EDAR: variants seen among roughly 807,000 people sequenced by gnomAD.
The protein encoded by EDAR is tumor necrosis factor receptor superfamily member EDAR.
EDAR carries 38 observed loss-of-function variants against 51.3 expected under a neutral mutation model. The observed-to-expected ratio is 0.74, with a 90% CI of 0.57 to 0.97. The LOEUF is 0.97. EDAR is among the 50% of genes least tolerant of loss of function. EDAR has a pLI of 0.00. For missense variants in EDAR, 528 were observed against 595.0 expected, an observed-to-expected ratio of 0.89 and a Z score of 1.17; for synonymous variants, 227 against 242.1, an observed-to-expected ratio of 0.94 and a Z score of 0.58.
At position 108,978,416 on chromosome 2, in the gene EDAR, T is replaced by A. The variant is rs1698365188; in HGVS notation, c.-19+10544A>T. Among the ~76,000 whole-genome samples, 2 of 152,178 alleles carry A rather than the reference T, an allele frequency of 1.3e-5. 1 individual carries two copies. The highest frequency in any genetic ancestry group is 4.1e-4 in the South Asian group (2 of 4,838). ...AACAAAAATATCAAACTTGGTCGAC[T>A]CTGCGTGTCTTTGCTAATCTGTGGG... On this transcript the variant is annotated intron_variant, in intron 1 of 11. Coordinates refer to ENST00000258443, the MANE Select transcript of EDAR (RefSeq NM_022336.4).
intron 5 of EDAR, among the ~76,000 whole-genome samples, chr2:108,916,547 C>A (rs1342963792): frequency 6.6e-6 from 1 of 152,166 alleles, no homozygotes; most frequent in East Asian, 1.9e-4. Flanking sequence ...GTGCCTCTAT[C>A]CTGATCACCG....
chr2:108,904,649 T>C (rs1000399170), intron 11 of EDAR, among the ~76,000 whole-genome samples: 1 of 152,230 alleles, frequency 6.6e-6, no homozygotes, highest in Admixed American at 6.5e-5. Context: ...GAATGGACTA[T>C]TGATACATGC....
chr2:108,898,529 C>T (rs11689836), intron 11 of EDAR, among the ~76,000 whole-genome samples: 107,430 of 152,036 alleles, frequency 0.71, 41,394 homozygotes, highest in East Asian at 0.91. Context: ...CATAAAACTA[C>T]ACAGGTCTCA....
chr2:108,898,717 A>T (rs988798284), intron 11 of EDAR, among the ~76,000 whole-genome samples: 1 of 152,236 alleles, frequency 6.6e-6, no homozygotes, highest in Admixed American at 6.5e-5. Flanking sequence ...CAAAAATAGA[A>T]ATCCTCAGGA....
chr2:108,910,728 A>C, intron 8 of EDAR, 48 bp downstream of exon 8: 34 of 1,596,372 alleles, frequency 2.1e-5, no homozygotes, highest in African/African-American at 2.7e-5. Context: ...CCCTCCACCC[A>C]GAGATGGGCA....
At chr2:108,943,618 GCACAA>G (rs1697652298) in intron 1 of EDAR, among the ~76,000 whole-genome samples, 1 of 152,168 alleles carries the variant, frequency 6.6e-6, no homozygotes, top group Non-Finnish European at 1.5e-5. Context: ...TCACTTCCGA[GCACAA>G]CAGAATGTCC....
intron 1 of EDAR, among the ~76,000 whole-genome samples, chr2:108,951,152 A>C (rs1697819795): frequency 1.3e-5 from 2 of 152,246 alleles, no homozygotes; most frequent in African/African-American, 4.8e-5. Context: ...TGTAGCTTGA[A>C]GCCTTTTTTC....
At chr2:108,963,355 C>A (rs1307171284) in intron 1 of EDAR, among the ~76,000 whole-genome samples, 4 of 152,152 alleles carry the variant, frequency 2.6e-5, no homozygotes, top group Admixed American at 2.0e-4. Context: ...AAATCTGTTT[C>A]TAGGATGCCT....
intron 1 of EDAR, among the ~76,000 whole-genome samples, chr2:108,959,634 C>T (rs537479481): frequency 2.0e-5 from 3 of 152,264 alleles, no homozygotes; most frequent in South Asian, 2.1e-4. Flanking sequence ...AGGCCAGTGC[C>T]GGCTGTGGCA....
chr2:108,897,332 T>C, intron 11 of EDAR, 103 bp from the exon 12 acceptor site: 1 of 1,170,096 alleles, frequency 8.5e-7, no homozygotes, highest in South Asian at 1.4e-5. Flanking sequence ...TGAAAAAAAT[T>C]TTTTTAAAAT....
intron 1 of EDAR, among the ~76,000 whole-genome samples, chr2:108,944,435 G>A (rs1423168486): frequency 1.3e-5 from 2 of 152,204 alleles, no homozygotes; most frequent in Non-Finnish European, 2.9e-5. Context: ...TATTCTTTCA[G>A]ATAATTTAAA....
At chr2:108,978,984 G>C (rs935843192) in intron 1 of EDAR, among the ~76,000 whole-genome samples, 1 of 152,226 alleles carries the variant, frequency 6.6e-6, no homozygotes, top group Non-Finnish European at 1.5e-5. Flanking sequence ...AGGGGCAGGA[G>C]GGGGTGTAGT....
intron 1 of EDAR, among the ~76,000 whole-genome samples, chr2:108,962,443 G>A (rs1342384632): frequency 6.6e-6 from 1 of 152,080 alleles, no homozygotes; most frequent in Admixed American, 6.6e-5. Context: ...GGAGGCCGAG[G>A]CTGGTGGATC....
rs1182013472 is a variant in EDAR, at chr2:108,896,082, G to C, written c.*825C>G. On this transcript the variant is annotated 3_prime_UTR_variant, in exon 12 of 12. Transcript: ENST00000258443. ...TGAAGTGGAAGGCCATTCACATGTAGTGCAGACCACAGGGTTCCCAGGCCA... is the reference window on the plus strand; with the variant it reads ...TGAAGTGGAAGGCCATTCACATGTACTGCAGACCACAGGGTTCCCAGGCCA... 1.3e-5 allele frequency: 2 copies of C among 152,222 alleles called. No individual in the cohort carries two copies. The highest frequency in any genetic ancestry group is 2.1e-4 in the South Asian group (1 of 4,832). The allele number at this position is 152,222 out of a possible 1,614,324, so 9.4% of individuals were successfully genotyped here. A position where few individuals can be genotyped will look rare whatever the true frequency, so the allele number is the denominator to read the frequency against.
At chr2:108,923,208 C>T (rs1697184323) in intron 5 of EDAR, among the ~76,000 whole-genome samples, 160 bp downstream of exon 5, 1 of 152,202 alleles carries the variant, frequency 6.6e-6, no homozygotes, top group Non-Finnish European at 1.5e-5. Context: ...TCCCTCCCTT[C>T]ATAGACCTGC....
chr2:108,927,011 C>A (rs866953335), intron 4 of EDAR, among the ~76,000 whole-genome samples: 1 of 152,194 alleles, frequency 6.6e-6, no homozygotes, highest in African/African-American at 2.4e-5. Flanking sequence ...GCAGCATGAG[C>A]CCCTGAGAGG....
intron 11 of EDAR, among the ~76,000 whole-genome samples, chr2:108,898,744 T>TA (rs1696646681): frequency 1.3e-5 from 2 of 151,924 alleles, no homozygotes; most frequent in South Asian, 2.1e-4. Flanking sequence ...ATAGAAAATG[T>TA]AAAAAAGAAA....
intron 11 of EDAR, among the ~76,000 whole-genome samples, chr2:108,899,705 G>C (rs144796902): frequency 9.7e-4 from 147 of 152,302 alleles, no homozygotes; most frequent in African/African-American, 3.3e-3. Flanking sequence ...CACCAGTAAG[G>C]CTGGGCACGG....
chr2:108,949,877 T>C (rs1450239342), intron 1 of EDAR, among the ~76,000 whole-genome samples: 6 of 152,226 alleles, frequency 3.9e-5, no homozygotes, highest in Admixed American at 3.9e-4. Flanking sequence ...CTCCGAGTAA[T>C]ATGTCCCTTC....
Sources: gnomAD v4.1 joint callset for allele counts (sites outside exome capture counted in the v4.1 genomes callset) on GRCh38, gnomAD v4.1.1 for gene constraint, MANE v1.5 for transcripts, NCBI Gene and HGNC (gene_info 2026-07-23, HGNC 2026-07-21) for gene names.